UNC13C: variants seen among roughly 807,000 people sequenced by gnomAD.
UNC13C encodes the protein protein unc-13 homolog C.
Under a neutral mutation model 245.4 loss-of-function variants are expected in UNC13C, and 174 were observed. That is an observed-to-expected ratio of 0.71 (90% CI 0.63 to 0.80). The LOEUF (loss-of-function observed/expected upper bound fraction) is 0.80. UNC13C is among the 30% of genes least tolerant of loss of function. The pLI is 0.00. For missense variants in UNC13C, 2,829 were observed against 2,602.9 expected (o/e 1.09, Z -1.89); for synonymous variants, 992 against 895.1 (o/e 1.11, Z -1.93).
At chr15:54,236,365 C>A in intron 5 of UNC13C, 65 bp from the exon 6 acceptor site, 4 of 1,306,248 alleles carry the variant, frequency 3.1e-6, no homozygotes, top group Non-Finnish European at 4.4e-6. Context: ...TTGTTATACT[C>A]TTTTCCTACC....
At chr15:54,543,745 G>T (rs1364150678) in intron 26 of UNC13C, among the ~76,000 whole-genome samples, 1 of 152,046 alleles carries the variant, frequency 6.6e-6, no homozygotes, top group African/African-American at 2.4e-5. Context: ...ACAAACCCAG[G>T]AAGAAGTCAA....
intron 2 of UNC13C, among the ~76,000 whole-genome samples, chr15:54,110,638 T>C (rs1312077743): frequency 1.3e-5 from 2 of 152,248 alleles, no homozygotes; most frequent in Non-Finnish European, 2.9e-5. Flanking sequence ...TCTAGCTATA[T>C]GATGTCTTTT....
At chr15:54,088,600 A>C (rs1030986397) in intron 2 of UNC13C, among the ~76,000 whole-genome samples, 1 of 152,104 alleles carries the variant, frequency 6.6e-6, no homozygotes, top group Non-Finnish European at 1.5e-5. Flanking sequence ...CTACTTCTGG[A>C]CTGTAGCTCT....
At chr15:54,282,549 C>T (rs1400914727) in intron 10 of UNC13C, among the ~76,000 whole-genome samples, 1 of 152,138 alleles carries the variant, frequency 6.6e-6, no homozygotes, top group Non-Finnish European at 1.5e-5. Flanking sequence ...CCCAAAACCC[C>T]AGAGGGGGTG....
At chr15:54,462,047 C>A (rs1428366778) in intron 19 of UNC13C, among the ~76,000 whole-genome samples, 1 of 152,032 alleles carries the variant, frequency 6.6e-6, no homozygotes, top group Non-Finnish European at 1.5e-5. Flanking sequence ...GTATGTTTTC[C>A]AGTCATGTTA....
intron 26 of UNC13C, among the ~76,000 whole-genome samples, chr15:54,543,240 T>C (rs1429189229): frequency 2.0e-5 from 3 of 152,144 alleles, no homozygotes; most frequent in Admixed American, 6.6e-5. Context: ...AAGGATTTTA[T>C]GTCTCCTTCA....
At chr15:53,842,853 T>G in the UNC13C span, among the ~76,000 whole-genome samples, 1 of 150,778 alleles carries the variant, frequency 6.6e-6, no homozygotes, top group African/African-American at 2.4e-5. Context: ...GAAGAAATTT[T>G]GAACACCAGG....
intron 13 of UNC13C, among the ~76,000 whole-genome samples, chr15:54,308,179 C>G (rs1428574621): frequency 6.6e-6 from 1 of 151,762 alleles, no homozygotes; most frequent in African/African-American, 2.4e-5. Flanking sequence ...GACACCTGTC[C>G]CTGAACTGGC....
intron 2 of UNC13C, among the ~76,000 whole-genome samples, chr15:54,025,370 AACATTT>A (rs1896067160): frequency 6.6e-6 from 1 of 152,232 alleles, no homozygotes; most frequent in Admixed American, 6.5e-5. Flanking sequence ...AATACTGGGT[AACATTT>A]ATTAATTCCT....
At chr15:53,895,601 C>G in the UNC13C span, among the ~76,000 whole-genome samples, 4 of 152,082 alleles carry the variant, frequency 2.6e-5, no homozygotes, top group African/African-American at 7.2e-5. Context: ...ACATACAAAT[C>G]CCTTGTAGAC....
intron 4 of UNC13C, among the ~76,000 whole-genome samples, chr15:54,193,457 T>G (rs2034253864): frequency 1.3e-5 from 2 of 152,134 alleles, no homozygotes; most frequent in Non-Finnish European, 2.9e-5. Context: ...CTAAAGGCAA[T>G]CACCTTTTAC....
chr15:54,292,316 A>G (rs1174723042), intron 10 of UNC13C, among the ~76,000 whole-genome samples: 1 of 151,952 alleles, frequency 6.6e-6, no homozygotes, highest in African/African-American at 2.4e-5. Context: ...ATTTTAAATC[A>G]TGCACACTGT....
At chr15:53,842,471 T>C in the UNC13C span, among the ~76,000 whole-genome samples, 1 of 152,144 alleles carries the variant, frequency 6.6e-6, no homozygotes, top group Admixed American at 6.6e-5. Flanking sequence ...CAGAATTGGC[T>C]GATTAGAGTT....
intron 2 of UNC13C, among the ~76,000 whole-genome samples, chr15:54,051,434 T>G (rs544607752): frequency 3.4e-4 from 52 of 151,808 alleles, no homozygotes; most frequent in African/African-American, 1.2e-3. Context: ...TGTATTTGGG[T>G]TTTTTTTCCT....
At chr15:54,431,181 A>G (rs1322528700) in intron 19 of UNC13C, among the ~76,000 whole-genome samples, 1 of 151,782 alleles carries the variant, frequency 6.6e-6, no homozygotes, top group Non-Finnish European at 1.5e-5. Context: ...TTTAATGTAT[A>G]AAGCAGAAAT....
chr15:53,976,477 CTTTT>C (rs10682648), upstream of UNC13C, among the ~76,000 whole-genome samples: 1 of 63,022 alleles, frequency 1.6e-5, no homozygotes, highest in African/African-American at 5.8e-5. Flanking sequence ...CTCTCTCTCT[CTTTT>C]TTTTTTTTTT....
At chr15:54,102,414 CA>C (rs1194119561) in intron 2 of UNC13C, among the ~76,000 whole-genome samples, 2 of 152,130 alleles carry the variant, frequency 1.3e-5, no homozygotes, top group African/African-American at 4.8e-5. Context: ...TTTTCAAGTG[CA>C]AAGCAGACTT....
chr15:54,086,604 G>A (rs1899251175), intron 2 of UNC13C, among the ~76,000 whole-genome samples: 1 of 152,084 alleles, frequency 6.6e-6, no homozygotes, highest in Non-Finnish European at 1.5e-5. Flanking sequence ...GTTCAAAAGA[G>A]GGAGAGTGAA....
At chr15:54,563,944 G>A (rs1897399123) in intron 29 of UNC13C, among the ~76,000 whole-genome samples, 1 of 151,962 alleles carries the variant, frequency 6.6e-6, no homozygotes, top group African/African-American at 2.4e-5. Flanking sequence ...TGCCAGTAAG[G>A]TAACCAGACT....
Sources: allele counts gnomAD v4.1 joint callset (sites outside exome capture counted in the v4.1 genomes callset), GRCh38; gene constraint gnomAD v4.1.1; transcripts MANE v1.5; gene names NCBI Gene and HGNC (gene_info 2026-07-23, HGNC 2026-07-21).